ENAH: variants seen among roughly 807,000 people sequenced by gnomAD.
ENAH encodes protein enabled homolog.
ENAH carries 23 observed loss-of-function variants against 78.7 expected under a neutral mutation model. The observed-to-expected ratio is 0.29, with a 90% confidence interval of 0.21 to 0.41. The LOEUF is 0.41. ENAH is among the 10% of genes least tolerant of loss of function. The pLI is 1.00. For synonymous variants in ENAH, 226 were observed against 241.0 expected, an observed-to-expected ratio of 0.94 and a Z score of 0.58; for missense variants, 544 against 691.0, an observed-to-expected ratio of 0.79 and a Z score of 2.39.
intron 1 of ENAH, among the ~76,000 whole-genome samples, chr1:225,604,982 T>TA (rs898194957): frequency 3.3e-5 from 5 of 152,158 alleles, no homozygotes; most frequent in African/African-American, 1.2e-4. Context: ...ACCTTGCTGA[T>TA]AAAAAAGCAA....
chr1:225,636,549 G>A (rs1255367585), intron 1 of ENAH, among the ~76,000 whole-genome samples: 1 of 152,080 alleles, frequency 6.6e-6, no homozygotes, highest in Admixed American at 6.5e-5. Context: ...AGATGATTTA[G>A]CTAAAGAATA....
At chr1:225,591,086 T>C (rs549067513) in intron 1 of ENAH, among the ~76,000 whole-genome samples, 1 of 152,324 alleles carries the variant, frequency 6.6e-6, no homozygotes, top group South Asian at 2.1e-4. Flanking sequence ...ATGATGATTT[T>C]ATTATAGAAT....
At position 225,494,038 on chromosome 1, in the gene ENAH, A is replaced by T. The variant is rs1267422625; in HGVS notation, c.*3737T>A. ...AAAATACTGACTTACATATGAAGAG[A>T]AGCAAGAACATGAGACAGGCTAGAG... On this transcript the variant is annotated 3_prime_UTR_variant, in exon 14 of 14. Transcript: ENST00000366843. 6.7e-6 allele frequency: 1 copy of T among 148,484 alleles called. No individual in the cohort carries two copies. Among genetic ancestry groups the T allele is most frequent in the East Asian group, 2.0e-4 (1 of 5,044 alleles). 9.2% of individuals were successfully genotyped at this position (148,484 alleles called of 1,614,324 possible).
At chr1:225,606,842 CAAAAAAAAAAAAA>C (rs59168194) in intron 1 of ENAH, among the ~76,000 whole-genome samples, 3 of 49,048 alleles carry the variant, frequency 6.1e-5, no homozygotes, top group Non-Finnish European at 1.2e-4. Context: ...GACTCTGTCT[CAAAAAAAAAAAAA>C]AAAAAAAAAA....
intron 1 of ENAH, among the ~76,000 whole-genome samples, chr1:225,609,880 G>GAA (rs2096978852): frequency 6.6e-6 from 1 of 151,748 alleles, no homozygotes; most frequent in African/African-American, 2.4e-5. Flanking sequence ...GGCCAGGCTG[G>GAA]TCTGAACTCC....
intron 13 of ENAH, 50 bp downstream of exon 13, chr1:225,498,297 C>A: frequency 7.0e-7 from 1 of 1,432,764 alleles, no homozygotes; most frequent in South Asian, 1.2e-5. Context: ...TAAAAATGGT[C>A]AATCTTAAAC....
intron 1 of ENAH, among the ~76,000 whole-genome samples, chr1:225,639,364 T>C (rs1488616305): frequency 1.3e-5 from 2 of 152,216 alleles, no homozygotes; most frequent in Non-Finnish European, 2.9e-5. Flanking sequence ...CTGCTATGGT[T>C]TGAATCTTGA....
At chr1:225,523,314 C>G (rs1387399639) in intron 4 of ENAH, among the ~76,000 whole-genome samples, 1 of 150,988 alleles carries the variant, frequency 6.6e-6, no homozygotes, top group Non-Finnish European at 1.5e-5. Flanking sequence ...AAGTCACAAG[C>G]AGAAGGCCAG....
chr1:225,515,142 T>A, intron 6 of ENAH: 1 of 461,084 alleles, frequency 2.2e-6, no homozygotes, highest in Non-Finnish European at 3.8e-6. Context: ...ATGCAACAGA[T>A]CATCTAATTA....
chr1:225,652,772 G>A lies in ENAH; in HGVS notation c.-82C>T, dbSNP rs11558604. The A allele has an allele frequency of 2.5e-6, 3 of 1,189,370 alleles. No individual in the cohort carries two copies. The highest frequency in any genetic ancestry group is 3.2e-6 in the Non-Finnish European group (3 of 932,246). 73.7% of individuals were successfully genotyped at this position (1,189,370 alleles called of 1,614,324 possible). On this transcript the variant is annotated 5_prime_UTR_variant, in exon 1 of 14. Transcript: ENST00000366843. Reference sequence around the variant, plus strand: ...CGAGGGGGGGGTCTCTCCTCCAGGGGTGGGGAGCAGCTCGGAGACGGGAGA... The same window carrying A: ...CGAGGGGGGGGTCTCTCCTCCAGGGATGGGGAGCAGCTCGGAGACGGGAGA...
rs116090813 is a variant in ENAH, at chr1:225,581,664, T to C, written c.6-14250A>G. 3.4e-3 allele frequency among the ~76,000 whole-genome samples: 523 copies of C among 152,214 alleles called. 1 individual carries two copies. In the Middle Eastern group the frequency reaches 0.054, roughly 16 times the overall value. Reference sequence around the variant, plus strand: ...GCCAACTTTCCAAATGACCCTCCCATAGATAAAACTATAAACTCTGGATTA... The same window carrying C: ...GCCAACTTTCCAAATGACCCTCCCACAGATAAAACTATAAACTCTGGATTA... On this transcript the variant is annotated intron_variant, in intron 1 of 13. Transcript: ENST00000366843.
chr1:225,573,420 T>C (rs138726614), intron 1 of ENAH, among the ~76,000 whole-genome samples: 14 of 152,296 alleles, frequency 9.2e-5, no homozygotes, highest in African/African-American at 3.4e-4. Flanking sequence ...AGAGTATTCA[T>C]TAATCTCTCA....
intron 1 of ENAH, among the ~76,000 whole-genome samples, chr1:225,598,571 T>C (rs2096914213): frequency 6.6e-6 from 1 of 151,918 alleles, no homozygotes; most frequent in African/African-American, 2.4e-5. Context: ...TAACCATCTC[T>C]ATGTTTTAAG....
At chr1:225,608,830 A>AAG (rs1165914908) in intron 1 of ENAH, among the ~76,000 whole-genome samples, 3 of 150,842 alleles carry the variant, frequency 2.0e-5, no homozygotes, top group Non-Finnish European at 3.0e-5. Context: ...AAAAAAAAAA[A>AAG]AAAAAAAAAA....
chr1:225,581,161 A>C (rs1221880035), intron 1 of ENAH: 2 of 527,464 alleles, frequency 3.8e-6, no homozygotes, highest in African/African-American at 2.1e-5. Flanking sequence ...ATGTGGGAAA[A>C]CACTTCACTT....
intron 1 of ENAH, among the ~76,000 whole-genome samples, chr1:225,592,238 T>G (rs899331516): frequency 4.6e-5 from 7 of 152,220 alleles, no homozygotes; most frequent in African/African-American, 1.4e-4. Flanking sequence ...TAACATTTGA[T>G]GTGTTAACAA....
At chr1:225,507,704 AAAAG>A (rs2096344210) in intron 11 of ENAH, among the ~76,000 whole-genome samples, 1 of 152,166 alleles carries the variant, frequency 6.6e-6, no homozygotes, top group African/African-American at 2.4e-5. Flanking sequence ...CAAATTGGGA[AAAAG>A]AAAGCTATCT....
intron 1 of ENAH, among the ~76,000 whole-genome samples, chr1:225,604,756 G>A (rs2096948600): frequency 6.6e-6 from 1 of 152,018 alleles, no homozygotes; most frequent in Admixed American, 6.6e-5. Flanking sequence ...TTGCGCCATT[G>A]CACTCCAGCC....
At position 225,501,036 on chromosome 1, in the gene ENAH, T is replaced by C. The variant is rs1462133468; in HGVS notation, c.1573A>G (p.Asn525Asp). ...TCAAGTCCTTCCGTCTGGACTCCAT[T>C]GGCACTGGGCTGTGATAAGGGTGTG... ...KSTPLSQPSA[N>D]GVQTEGLDYD... Residue 525 changes from asparagine to aspartate, a missense_variant, in exon 12 of 14, where the codon AAT becomes GAT. Asn to Asp is a conservative substitution (Grantham distance 23). Coordinates refer to ENST00000366843, the MANE Select transcript of ENAH (RefSeq NM_018212.6). 5 of 1,614,174 alleles carry C rather than the reference T, an allele frequency of 3.1e-6. No homozygotes were observed. The highest frequency in any genetic ancestry group is 4.2e-6 in the Non-Finnish European group (5 of 1,180,016).
Sources: gnomAD v4.1 joint callset for allele counts (sites outside exome capture counted in the v4.1 genomes callset) on GRCh38, gnomAD v4.1.1 for gene constraint, MANE v1.5 for transcripts, NCBI Gene and HGNC (gene_info 2026-07-23, HGNC 2026-07-21) for gene names.